AATF: variants seen among roughly 807,000 people sequenced by gnomAD.
AATF encodes apoptosis antagonizing transcription factor.
A neutral mutation model predicts 63.7 loss-of-function variants in AATF; 48 were observed. That is an observed-to-expected ratio of 0.75 (90% CI 0.60 to 0.96). The LOEUF (loss-of-function observed/expected upper bound fraction) is 0.96, where lower values mean the gene tolerates loss of function less well. AATF is among the 40% of genes least tolerant of loss of function. AATF has a pLI of 0.00. For missense variants in AATF, 639 were observed against 685.7 expected, an observed-to-expected ratio of 0.93 and a Z score of 0.76; for synonymous variants, 258 against 247.7, an observed-to-expected ratio of 1.04 and a Z score of -0.39.
intron 11 of AATF, among the ~76,000 whole-genome samples, chr17:37,049,768 G>A (rs771683722): frequency 6.6e-6 from 1 of 152,122 alleles, no homozygotes; most frequent in Non-Finnish European, 1.5e-5. Flanking sequence ...GTTTGGTGCC[G>A]TTAGCATGTG....
chr17:37,048,422 G>A (rs2071714830), intron 11 of AATF, among the ~76,000 whole-genome samples: 1 of 138,818 alleles, frequency 7.2e-6, no homozygotes, highest in Non-Finnish European at 1.5e-5. Flanking sequence ...CCAGGCTGGA[G>A]TGCAATGGCA....
chr17:36,985,190 C>T (rs890350174), intron 4 of AATF, among the ~76,000 whole-genome samples: 1 of 152,172 alleles, frequency 6.6e-6, no homozygotes, highest in East Asian at 1.9e-4. Flanking sequence ...GCATGAGCCA[C>T]TGCACCTGGC....
At chr17:37,042,032 A>G (rs1240948349) in intron 11 of AATF, among the ~76,000 whole-genome samples, 1 of 151,222 alleles carries the variant, frequency 6.6e-6, no homozygotes, top group African/African-American at 2.4e-5. Flanking sequence ...TTGAGTTTTG[A>G]CTTTTCTTTA....
At chr17:36,961,196 G>A (rs2070944318) in intron 4 of AATF, among the ~76,000 whole-genome samples, 1 of 152,148 alleles carries the variant, frequency 6.6e-6, no homozygotes, top group South Asian at 2.1e-4. Context: ...TAGATTTACT[G>A]CAATTTAGTT....
At chr17:36,972,671 AT>A (rs34793151) in intron 4 of AATF, among the ~76,000 whole-genome samples, 17,707 of 142,764 alleles carry the variant, frequency 0.12, 3,055 homozygotes, top group African/African-American at 0.39. Context: ...TGGAGTAAAC[AT>A]TTTTTTTTTT....
intron 8 of AATF, among the ~76,000 whole-genome samples, chr17:36,995,881 T>C (rs1045320395): frequency 1.3e-5 from 2 of 152,038 alleles, no homozygotes; most frequent in African/African-American, 4.8e-5. Context: ...CAGGATGATA[T>C]TCTTACTATT....
rs143874836 is a variant in AATF at position 37,043,438 on chromosome 17, C to T, written c.1619+11753C>T. ...TTCTAGGGAGACTTCAGATTCTCCACCCCCACTGAGCTTTCTTCTTTGAAC... is the reference window on the plus strand; with the variant it reads ...TTCTAGGGAGACTTCAGATTCTCCATCCCCACTGAGCTTTCTTCTTTGAAC... On this transcript the variant is annotated intron_variant, in intron 11 of 11. Coordinates refer to ENST00000619387, the MANE Select transcript of AATF (RefSeq NM_012138.4). 4.9e-3 allele frequency among the ~76,000 whole-genome samples: 746 copies of T among 152,256 alleles called. 2 individuals carry two copies. Among genetic ancestry groups the T allele is most frequent in the Admixed American group, 5.9e-3 (90 of 15,290 alleles).
chr17:36,988,330 C>G (rs542679419), intron 5 of AATF, among the ~76,000 whole-genome samples, 189 bp from the exon 6 acceptor site: 1 of 151,972 alleles, frequency 6.6e-6, no homozygotes, highest in East Asian at 1.9e-4. Context: ...AAAAGTTACA[C>G]GAGTTTTTGA....
intron 8 of AATF, among the ~76,000 whole-genome samples, chr17:37,010,296 T>C (rs192330280): frequency 2.3e-3 from 356 of 151,700 alleles, no homozygotes; most frequent in African/African-American, 8.2e-3. Context: ...CTACTAAAAA[T>C]ACAAAAACAA....
At chr17:36,965,225 C>A (rs2070982008) in intron 4 of AATF, among the ~76,000 whole-genome samples, 1 of 152,172 alleles carries the variant, frequency 6.6e-6, no homozygotes, top group African/African-American at 2.4e-5. Context: ...GTCCTAAAAT[C>A]AAGGTGTCAG....
At chr17:37,011,454 G>C (rs558255839) in intron 8 of AATF, among the ~76,000 whole-genome samples, 3 of 152,266 alleles carry the variant, frequency 2.0e-5, no homozygotes, top group African/African-American at 7.2e-5. Context: ...GGAGAAAAGT[G>C]GACAAATTCG....
chr17:36,993,633 G>T (rs1437824852), intron 8 of AATF, among the ~76,000 whole-genome samples: 1 of 152,176 alleles, frequency 6.6e-6, no homozygotes, highest in African/African-American at 2.4e-5. Flanking sequence ...CAATGGGCCT[G>T]TGAGTTTTCA....
chr17:36,965,595 A>G (rs1372618899), intron 4 of AATF, among the ~76,000 whole-genome samples: 1 of 152,246 alleles, frequency 6.6e-6, no homozygotes, highest in Non-Finnish European at 1.5e-5. Flanking sequence ...ATTGTCTTCT[A>G]CCATCCCAGT....
intron 7 of AATF, 56 bp downstream of exon 7, chr17:36,989,467 A>C: frequency 6.7e-7 from 1 of 1,498,854 alleles, no homozygotes; most frequent in Non-Finnish European, 9.0e-7. Flanking sequence ...GAGGCTTATT[A>C]GCTGAAAAAC....
At chr17:37,049,407 C>T (rs1345984789) in intron 11 of AATF, among the ~76,000 whole-genome samples, 1 of 152,098 alleles carries the variant, frequency 6.6e-6, no homozygotes, top group East Asian at 1.9e-4. Context: ...TCGAGACCAT[C>T]CTGGCTAACA....
chr17:37,028,560 TG>T (rs1264628333), intron 10 of AATF, among the ~76,000 whole-genome samples: 3 of 151,774 alleles, frequency 2.0e-5, no homozygotes, highest in African/African-American at 7.3e-5. Context: ...CCAACACAGG[TG>T]GATCACTCAA....
rs987565619 is a variant in AATF at position 36,949,358 on chromosome 17, G to A, written c.91+142G>A. The A allele has an allele frequency of 3.3e-5, 25 of 764,592 alleles. No homozygotes were observed. The African/African-American group carries it at 4.1e-4, about 13-fold the overall frequency. 47.4% of individuals were successfully genotyped at this position (764,592 alleles called of 1,614,324 possible). Reference sequence around the variant, plus strand: ...GCAGAGGAACGTCGCCTCCCGCGAGGGTGGTCCCGGCCTCGGGAGGAGGGC... The same window carrying A: ...GCAGAGGAACGTCGCCTCCCGCGAGAGTGGTCCCGGCCTCGGGAGGAGGGC... On this transcript the variant is annotated intron_variant, in intron 1 of 11. Transcript: ENST00000619387.
intron 11 of AATF, among the ~76,000 whole-genome samples, chr17:37,051,693 G>GACACACACACACAC (rs1181449819): frequency 2.1e-5 from 3 of 140,938 alleles, no homozygotes; most frequent in African/African-American, 8.2e-5. Flanking sequence ...CAGACAGACA[G>GACACACACACACAC]ACAGACACAC....
intron 11 of AATF, among the ~76,000 whole-genome samples, chr17:37,038,828 A>G (rs2071613590): frequency 6.6e-6 from 1 of 152,196 alleles, no homozygotes; most frequent in African/African-American, 2.4e-5. Context: ...TCCTTTAATG[A>G]TAAGTACTGA....
Sources: gnomAD v4.1 joint callset for allele counts (sites outside exome capture counted in the v4.1 genomes callset) on GRCh38, gnomAD v4.1.1 for gene constraint, MANE v1.5 for transcripts, NCBI Gene and HGNC (gene_info 2026-07-23, HGNC 2026-07-21) for gene names.